RNF213: variants seen among roughly 807,000 people sequenced by gnomAD.
RNF213 encodes E3 ubiquitin-protein ligase RNF213.
RNF213 carries 341 observed loss-of-function variants against 514.4 expected under a neutral mutation model. The ratio of observed to expected loss-of-function variants is 0.66; its 90% CI spans 0.61 to 0.73. The LOEUF is 0.73. RNF213 is among the 30% of genes least tolerant of loss of function. The pLI, the probability that RNF213 is intolerant of heterozygous loss-of-function variation, is 0.00. For missense variants in RNF213, 5,767 were observed against 6,615.6 expected (o/e 0.87, Z 4.45); for synonymous variants, 2,655 against 2,658.2 (o/e 1.00, Z 0.04).
Position 80,353,776 on chromosome 17 carries a change from G to A in RNF213, c.10578+110G>A, listed in dbSNP as rs1481911707. 1 of 1,450,396 alleles carries A rather than the reference G, an allele frequency of 6.9e-7. No individual in the cohort carries two copies. Among genetic ancestry groups the A allele is most frequent in the Admixed American group, 1.7e-5 (1 of 58,054 alleles). The allele number at this position is 1,450,396 out of a possible 1,614,324, so 89.8% of individuals were successfully genotyped here. ...AGAGGAGTCGCCGCCGCTGTGCAGG[G>A]GTGAGGATGGCGCCCCACTTTCCTC... is the stretch of plus-strand genomic sequence containing the variant. On this transcript the variant is annotated intron_variant, in intron 34 of 67. Coordinates refer to ENST00000582970, the MANE Select transcript of RNF213 (RefSeq NM_001256071.3). The surrounding 1 kb of genome is among the most constrained non-coding windows in gnomAD (Gnocchi z 5.0).
At chr17:80,326,205 G>A (rs1037068608) in intron 18 of RNF213, among the ~76,000 whole-genome samples, 1 of 151,986 alleles carries the variant, frequency 6.6e-6, no homozygotes, top group African/African-American at 2.4e-5. Flanking sequence ...CTCACCGTAA[G>A]CGCTGACCTC....
chr17:80,349,626 C>A, intron 29 of RNF213, 144 bp from the exon 30 acceptor site: 2 of 981,482 alleles, frequency 2.0e-6, no homozygotes, highest in South Asian at 2.6e-5. Context: ...TTGGGAAACT[C>A]CTTTGGGTTT....
In RNF213 at chr17:80,339,777, C is replaced by T; in HGVS notation, c.5410C>T (p.His1804Tyr). 5 of 1,535,786 alleles carry T rather than the reference C, an allele frequency of 3.3e-6. No individual in the cohort carries two copies. The highest frequency in any genetic ancestry group is 3.9e-5 in the Admixed American group (2 of 50,962). Residue 1804 changes from histidine (H) to tyrosine (Y), a missense_variant, in exon 26 of 68, where the codon CAC becomes TAC. Transcript: ENST00000582970. ...PDCLDLETLG[H>Y]CLAHLAGMGG... ...CTGCCTCGACCTAGAGACCCTTGGC[C>T]ACTGTCTGGCTCACCTGGCAGGGAT...
intron 23 of RNF213, chr17:80,336,581 A>G: frequency 1.5e-6 from 1 of 659,676 alleles, no homozygotes; most frequent in South Asian, 1.5e-5. Context: ...ATTACATGAC[A>G]CATAGTAATC....
intron 14 of RNF213, 107 bp from the exon 15 acceptor site, chr17:80,312,905 C>A: frequency 7.5e-7 from 1 of 1,327,992 alleles, no homozygotes; most frequent in Non-Finnish European, 1.1e-6. Flanking sequence ...GTAGCCACTC[C>A]TTGAGCAGCC....
Position 80,323,541 on chromosome 17 carries a change from T to C in RNF213, c.3025-1489T>C, listed in dbSNP as rs548066921. 9.2e-5 allele frequency among the ~76,000 whole-genome samples: 14 copies of C among 152,002 alleles called. No homozygotes were observed. The South Asian group carries it at 1.0e-3, about 11-fold the overall frequency. ...TTTCATTCAATTAGATTTTTTTTTT[T>C]CCCCTGTTAGACAGAGTCTCGCCCT... On this transcript the variant is annotated intron_variant, in intron 17 of 67. Coordinates refer to ENST00000582970, the MANE Select transcript of RNF213 (RefSeq NM_001256071.3).
At chr17:80,371,141 T>C (rs1357225911) in intron 46 of RNF213, among the ~76,000 whole-genome samples, 1 of 152,186 alleles carries the variant, frequency 6.6e-6, no homozygotes, top group African/African-American at 2.4e-5. Context: ...GAAAAAAATC[T>C]ATTTAAAGTA....
Position 80,263,812 on chromosome 17 carries a change from A to C in RNF213, c.97+34A>C. 1 of 1,591,948 alleles carries C rather than the reference A, an allele frequency of 6.3e-7. No individual in the cohort carries two copies. The highest frequency in any genetic ancestry group is 8.6e-7 in the Non-Finnish European group (1 of 1,159,962). On this transcript the variant is annotated intron_variant, in intron 2 of 67. Transcript: ENST00000582970. This position sits in a 1 kb window ranked among gnomAD's most constrained non-coding sequence, Gnocchi z 4.9. ...CAGGGGTGCTGGTGGAGGCTGGGGC[A>C]GTGGGGACCCCTGGAGATGTCTCAC...
At chr17:80,365,672 C>CCTCA (rs2079237835) in intron 42 of RNF213, among the ~76,000 whole-genome samples, 1 of 152,182 alleles carries the variant, frequency 6.6e-6, no homozygotes, top group Non-Finnish European at 1.5e-5. Context: ...CCAGGTGGAA[C>CCTCA]TTGAGTTCTT....
At chr17:80,318,636 G>T (rs144875443) in intron 16 of RNF213, among the ~76,000 whole-genome samples, 43 of 152,090 alleles carry the variant, frequency 2.8e-4, no homozygotes, top group South Asian at 6.2e-4. Context: ...TGCAGTGGCG[G>T]GATCTCGGCT....
chr17:80,277,029 C>G (rs971948374), intron 3 of RNF213, among the ~76,000 whole-genome samples: 1 of 151,886 alleles, frequency 6.6e-6, no homozygotes, highest in Non-Finnish European at 1.5e-5. Flanking sequence ...TGCACTCCAG[C>G]CTGGCAACAG....
intron 14 of RNF213, among the ~76,000 whole-genome samples, chr17:80,311,463 G>T (rs2045570363): frequency 6.6e-6 from 1 of 152,172 alleles, no homozygotes; most frequent in African/African-American, 2.4e-5. Flanking sequence ...CTTCAGCAGT[G>T]CCTGTTTCGT....
intron 46 of RNF213, among the ~76,000 whole-genome samples, chr17:80,371,244 AT>A (rs1235906676): frequency 6.6e-6 from 1 of 152,246 alleles, no homozygotes; most frequent in Non-Finnish European, 1.5e-5. Context: ...AGACATGACC[AT>A]TTATCACTGT....
chr17:80,369,446 G>A, intron 44 of RNF213, 56 bp from the exon 45 acceptor site: 1 of 1,415,782 alleles, frequency 7.1e-7, no homozygotes, highest in Non-Finnish European at 1.0e-6. Flanking sequence ...AAGTCATTCT[G>A]TAAGGAGGCA....
Position 80,336,300 on chromosome 17 carries a change from G to A in RNF213, c.4449G>A (p.Val1483=), listed in dbSNP as rs908046882. ...ASLLFKLDPS[V]DFSAFMKHLK... ...TGCTATTTAAGCTGGACCCCAGCGT[G>A]GACTTCAGTGCATTCATGAAGCATC... Residue 1483 remains valine, a synonymous_variant, in exon 23 of 68, where the codon GTG becomes GTA. Transcript: ENST00000582970. 1.4e-5 allele frequency: 21 copies of A among 1,537,130 alleles called. No individual in the cohort carries two copies. The highest frequency in any genetic ancestry group is 1.7e-5 in the Non-Finnish European group (20 of 1,146,934).
At position 80,352,920 on chromosome 17, in the gene RNF213, G is replaced by C. The variant is rs763931649; in HGVS notation, c.10304-20G>C. ...CGGGAAAGACACAAAGACAGTTGTG[G>C]GTGGCTTCACTCTTCACAGGGCTGT... On this transcript the variant is annotated intron_variant, in intron 32 of 67. Transcript: ENST00000582970. The C allele has an allele frequency of 6.2e-7, 1 of 1,613,948 alleles. No individual in the cohort carries two copies. Among genetic ancestry groups the C allele is most frequent in the Non-Finnish European group, 8.5e-7 (1 of 1,180,040 alleles).
Position 80,364,956 on chromosome 17 carries a change from G to A in RNF213, c.11871+403G>A, listed in dbSNP as rs112405629. On this transcript the variant is annotated intron_variant, in intron 42 of 67. Coordinates refer to ENST00000582970, the MANE Select transcript of RNF213 (RefSeq NM_001256071.3). Reference sequence around the variant, plus strand: ...GACAAGGATGTCAGAGAATGCCACCGGGGTTTGGGGTCTTCAAAACAGTGC... The same window carrying A: ...GACAAGGATGTCAGAGAATGCCACCAGGGTTTGGGGTCTTCAAAACAGTGC... 1,265 of 304,328 alleles carry A rather than the reference G, an allele frequency of 4.2e-3. 12 individuals carry two copies. The highest frequency in any genetic ancestry group is 0.025 in the African/African-American group (1,167 of 46,134). 18.9% of individuals were successfully genotyped at this position (304,328 alleles called of 1,614,324 possible).
chr17:80,298,141 G>A (rs1024024423), intron 10 of RNF213, among the ~76,000 whole-genome samples, 180 bp from the exon 11 acceptor site: 2 of 152,144 alleles, frequency 1.3e-5, no homozygotes, highest in Non-Finnish European at 2.9e-5. Context: ...AGGAGCTGAC[G>A]CCCTAGGCTG....
chr17:80,290,842 C>A, intron 7 of RNF213, 114 bp downstream of exon 7: 2 of 1,207,546 alleles, frequency 1.7e-6, no homozygotes, highest in South Asian at 2.7e-5. Context: ...CGGAGTCTTG[C>A]TGTGTCACCC....
Sources: gnomAD v4.1 joint callset for allele counts (sites outside exome capture counted in the v4.1 genomes callset) on GRCh38, gnomAD v4.1.1 for gene constraint, Gnocchi (gnomAD v3.1) non-coding constraint, MANE v1.5 for transcripts, NCBI Gene and HGNC (gene_info 2026-07-23, HGNC 2026-07-21) for gene names.